Variants in RNF150 observed in about 807,000 individuals in gnomAD.
The protein encoded by RNF150 is ring finger protein 150.
A neutral mutation model predicts 39.3 loss-of-function variants in RNF150; 24 were observed. The observed-to-expected ratio is 0.61, with a 90% CI of 0.44 to 0.86. RNF150 has a LOEUF of 0.86. RNF150 is among the 40% of genes least tolerant of loss of function. The pLI is 0.00. For missense variants in RNF150, 502 were observed against 587.8 expected (o/e 0.85, Z 1.51); for synonymous variants, 255 against 227.3 (o/e 1.12, Z -1.10).
chr4:141,097,359 T>C (rs1413988652), intron 1 of RNF150, among the ~76,000 whole-genome samples: 1 of 152,256 alleles, frequency 6.6e-6, no homozygotes, highest in Non-Finnish European at 1.5e-5. Flanking sequence ...TTTTGCAAAC[T>C]TTGCTTATAT....
intron 1 of RNF150, among the ~76,000 whole-genome samples, chr4:141,026,740 A>T (rs1404102222): frequency 6.6e-6 from 1 of 152,236 alleles, no homozygotes; most frequent in African/African-American, 2.4e-5. Context: ...TTCCTGAAAA[A>T]TAGGCAGTAG....
intron 6 of RNF150, among the ~76,000 whole-genome samples, chr4:140,885,583 T>C (rs1428384260): frequency 2.0e-5 from 3 of 151,466 alleles, no homozygotes; most frequent in East Asian, 2.0e-4. Flanking sequence ...ATTACAGGCA[T>C]GCACCACTAT....
chr4:140,945,384 G>A (rs190135165), intron 4 of RNF150, among the ~76,000 whole-genome samples: 116 of 151,826 alleles, frequency 7.6e-4, no homozygotes, highest in Middle Eastern at 6.8e-3. Context: ...TTAAAACAAC[G>A]CAATCTGTCA....
chr4:140,979,819 G>A (rs1253824492), intron 1 of RNF150, among the ~76,000 whole-genome samples: 4 of 152,028 alleles, frequency 2.6e-5, no homozygotes, highest in African/African-American at 4.8e-5. Context: ...GTCAATGAAC[G>A]GAAACTCGAA....
chr4:141,192,676 T>C (rs1002123024), intron 1 of RNF150, among the ~76,000 whole-genome samples: 1 of 152,174 alleles, frequency 6.6e-6, no homozygotes, highest in Admixed American at 6.5e-5. Context: ...TGTGCCTTCA[T>C]ATCCCGCACA....
chr4:141,193,045 T>C (rs1479447229), intron 1 of RNF150, among the ~76,000 whole-genome samples: 1 of 152,234 alleles, frequency 6.6e-6, no homozygotes, highest in Non-Finnish European at 1.5e-5. Context: ...GTCTGTCATT[T>C]TATGTCACTC....
In RNF150 at chr4:140,879,151, A is replaced by G. The variant is rs763116175; in HGVS notation, c.1199-10772T>C. Among the ~76,000 whole-genome samples, 37 of 152,254 alleles carry G rather than the reference A, an allele frequency of 2.4e-4. 1 individual carries two copies. The highest frequency in any genetic ancestry group is 4.4e-4 in the Non-Finnish European group (30 of 68,006). On this transcript the variant is annotated intron_variant, in intron 6 of 6. Coordinates refer to ENST00000515673, the MANE Select transcript of RNF150 (RefSeq NM_020724.2). ...TTGTTTTGATTACCATCACTCTGTA[A>G]TATGTTTTGAAATTAGGAAGTGTGA... is the stretch of plus-strand genomic sequence containing the variant.
rs573155129 is a variant in RNF150 at position 141,042,403 on chromosome 4, T to C, written c.485-74530A>G. Reference sequence around the variant, plus strand: ...ATAATTATAATGGAATAAACTATTCTGAAAGTTCTCTGAGGCATTTCAAAA... The same window carrying C: ...ATAATTATAATGGAATAAACTATTCCGAAAGTTCTCTGAGGCATTTCAAAA... On this transcript the variant is annotated intron_variant, in intron 1 of 6. Transcript: ENST00000515673. Among the ~76,000 whole-genome samples, 83 of 152,258 alleles carry C rather than the reference T, an allele frequency of 5.5e-4. 1 individual carries two copies. The South Asian group carries it at 9.3e-3, about 17-fold the overall frequency.
At chr4:141,079,113 G>A (rs966075238) in intron 1 of RNF150, among the ~76,000 whole-genome samples, 1 of 152,032 alleles carries the variant, frequency 6.6e-6, no homozygotes, top group Middle Eastern at 3.2e-3. Context: ...GACAATGCAT[G>A]AAGAGATATG....
chr4:140,984,224 T>C (rs1174592418), intron 1 of RNF150, among the ~76,000 whole-genome samples: 6 of 152,160 alleles, frequency 3.9e-5, no homozygotes. Flanking sequence ...GGATAGAACT[T>C]GGTGATATAC....
chr4:140,930,559 G>A (rs1169303233), intron 4 of RNF150, among the ~76,000 whole-genome samples: 1 of 152,170 alleles, frequency 6.6e-6, no homozygotes, highest in Admixed American at 6.5e-5. Flanking sequence ...CAAGGACCTA[G>A]CACTCCTCCC....
intron 6 of RNF150, among the ~76,000 whole-genome samples, chr4:140,907,592 G>A (rs1730435401): frequency 2.0e-5 from 3 of 152,158 alleles, no homozygotes; most frequent in South Asian, 2.1e-4. Flanking sequence ...GTATAAGTAG[G>A]AAGTAAACAA....
intron 1 of RNF150, among the ~76,000 whole-genome samples, chr4:140,994,334 G>T (rs1734289457): frequency 6.6e-6 from 1 of 152,246 alleles, no homozygotes. Flanking sequence ...GGATATGACA[G>T]AAGGGGTGCT....
intron 1 of RNF150, among the ~76,000 whole-genome samples, chr4:141,085,550 C>T (rs961446306): frequency 1.3e-5 from 2 of 152,176 alleles, no homozygotes; most frequent in Admixed American, 6.5e-5. Context: ...ACTGCCCCAG[C>T]CATCAAATCA....
At chr4:140,959,654 A>G (rs1732935593) in intron 2 of RNF150, among the ~76,000 whole-genome samples, 1 of 152,144 alleles carries the variant, frequency 6.6e-6, no homozygotes. Context: ...GTTAACCTCG[A>G]ACAGGGAAGC....
At chr4:141,112,915 G>T (rs1367092834) in intron 1 of RNF150, among the ~76,000 whole-genome samples, 1 of 141,824 alleles carries the variant, frequency 7.1e-6, no homozygotes, top group Non-Finnish European at 1.5e-5. Flanking sequence ...TGGAGGCTTT[G>T]TTCGTTCGTT....
intron 1 of RNF150, among the ~76,000 whole-genome samples, chr4:141,042,441 C>G (rs1222893112): frequency 6.6e-6 from 1 of 152,038 alleles, no homozygotes; most frequent in African/African-American, 2.4e-5. Flanking sequence ...TGGCTACATT[C>G]TAAAATTTCA....
intron 1 of RNF150, among the ~76,000 whole-genome samples, chr4:141,083,744 G>A (rs185524271): frequency 4.4e-4 from 67 of 152,076 alleles, no homozygotes; most frequent in African/African-American, 1.5e-3. Context: ...GTGTACACAC[G>A]ATTCATAGGA....
At chr4:141,197,768 C>T (rs1450031904) in intron 1 of RNF150, among the ~76,000 whole-genome samples, 1 of 151,662 alleles carries the variant, frequency 6.6e-6, no homozygotes, top group Admixed American at 6.6e-5. Context: ...GTCCCAGCTA[C>T]TTGGGAGGCT....
Sources: allele counts gnomAD v4.1 joint callset (sites outside exome capture counted in the v4.1 genomes callset), GRCh38; gene constraint gnomAD v4.1.1; transcripts MANE v1.5; gene names NCBI Gene and HGNC (gene_info 2026-07-23, HGNC 2026-07-21).